The following MYO1B variants were observed in gnomAD, a reference collection of about 807,000 sequenced individuals.
MYO1B encodes unconventional myosin-Ib.
A neutral mutation model predicts 159.7 loss-of-function variants in MYO1B; 72 were observed. That is an observed-to-expected ratio of 0.45 (90% confidence interval 0.37 to 0.55). The LOEUF (loss-of-function observed/expected upper bound fraction) is 0.55. Ranked by LOEUF, MYO1B falls within the 20% of genes least tolerant of loss-of-function variation. The pLI is 0.00. For synonymous variants in MYO1B, 468 were observed against 473.8 expected (o/e 0.99, Z 0.16); for missense variants, 1,062 against 1,364.8 (o/e 0.78, Z 3.50).
At chr2:191,333,150 G>T (rs1451807605) in intron 4 of MYO1B, among the ~76,000 whole-genome samples, 1 of 151,944 alleles carries the variant, frequency 6.6e-6, no homozygotes, top group Non-Finnish European at 1.5e-5. Flanking sequence ...CTTAGTTCTG[G>T]GTATCTTTAT....
intron 5 of MYO1B, among the ~76,000 whole-genome samples, chr2:191,345,969 G>GT (rs1005844492): frequency 1.3e-5 from 2 of 152,146 alleles, no homozygotes; most frequent in African/African-American, 4.8e-5. Flanking sequence ...GTTGAATTAG[G>GT]TAAGATTAAG....
intron 4 of MYO1B, among the ~76,000 whole-genome samples, chr2:191,332,436 C>A (rs146300657): frequency 6.6e-6 from 1 of 151,780 alleles, no homozygotes; most frequent in Non-Finnish European, 1.5e-5. Context: ...TTTAAACTTA[C>A]ATGCAGAATA....
rs550660066 is a variant in MYO1B, at chr2:191,260,099, A to C, written c.-10+14473A>C. Among the ~76,000 whole-genome samples the C allele has an allele frequency of 1.3e-4, 20 of 152,170 alleles. No individual in the cohort carries two copies. The South Asian group carries it at 4.2e-3, about 32-fold the overall frequency. On this transcript the variant is annotated intron_variant, in intron 1 of 30. Transcript: ENST00000392318. ...AGAATGGAGAAGCACTAAGGAAAATAAGGAGTGTCCGGAGGTGGGATGTGG... is the reference window on the plus strand; with the variant it reads ...AGAATGGAGAAGCACTAAGGAAAATCAGGAGTGTCCGGAGGTGGGATGTGG...
intron 4 of MYO1B, among the ~76,000 whole-genome samples, chr2:191,338,781 A>G (rs1692023240): frequency 1.3e-5 from 2 of 152,220 alleles, no homozygotes; most frequent in South Asian, 4.1e-4. Context: ...AATTACCAGA[A>G]TAACAAAAGA....
chr2:191,254,882 T>C (rs1029893463), intron 1 of MYO1B, among the ~76,000 whole-genome samples: 11 of 152,344 alleles, frequency 7.2e-5, no homozygotes, highest in African/African-American at 2.4e-4. Flanking sequence ...ATCAAATGTT[T>C]AGGTGCCTAG....
chr2:191,391,564 G>A (rs1695751858), intron 18 of MYO1B, among the ~76,000 whole-genome samples: 1 of 152,134 alleles, frequency 6.6e-6, no homozygotes. Context: ...GGTGGGTGGA[G>A]TGAGGTTTAG....
chr2:191,379,872 G>A (rs1409728422), intron 13 of MYO1B, among the ~76,000 whole-genome samples: 1 of 152,152 alleles, frequency 6.6e-6, no homozygotes, highest in Admixed American at 6.5e-5. Flanking sequence ...ACCAACTTCA[G>A]TTTCTAATTG....
At chr2:191,334,601 T>G (rs974919437) in intron 4 of MYO1B, among the ~76,000 whole-genome samples, 4 of 152,180 alleles carry the variant, frequency 2.6e-5, no homozygotes, top group Non-Finnish European at 5.9e-5. Flanking sequence ...TCATCTTCCC[T>G]GGATTTAGTC....
rs779955453 is a variant in MYO1B at position 191,383,347 on chromosome 2, G to A, written c.1353+5G>A. 1.3e-6 allele frequency: 2 copies of A among 1,550,768 alleles called. No homozygotes were observed. Among genetic ancestry groups the A allele is most frequent in the African/African-American group, 1.4e-5 (1 of 71,890 alleles). On this transcript the variant is annotated splice_donor_5th_base_variant and intron_variant, in intron 15 of 30. Coordinates refer to ENST00000392318, the MANE Select transcript of MYO1B (RefSeq NM_001130158.3). ...ATTTGTGACCTAATAGAAAATGTGA[G>A]TACTTAGGTACAGTTTTCTAAAGAA...
chr2:191,364,340 A>G (rs1693861228), intron 11 of MYO1B, 64 bp downstream of exon 11: 9 of 1,313,152 alleles, frequency 6.9e-6, no homozygotes, highest in South Asian at 4.8e-5. Context: ...TCATATAAGT[A>G]TAAACAAAGA....
chr2:191,294,907 C>T lies in MYO1B; in HGVS notation c.136-1204C>T, dbSNP rs988032945. Reference sequence around the variant, plus strand: ...AAAAAAAGTCAGCAGAACATTTCTACGTTCCTTCATTTTCTATTCTGTTTA... The same window carrying T: ...AAAAAAAGTCAGCAGAACATTTCTATGTTCCTTCATTTTCTATTCTGTTTA... On this transcript the variant is annotated intron_variant, in intron 2 of 30. Transcript: ENST00000392318. 4.0e-5 allele frequency among the ~76,000 whole-genome samples: 6 copies of T among 151,862 alleles called. No individual in the cohort carries two copies. The South Asian group carries it at 8.3e-4, about 21-fold the overall frequency.
chr2:191,340,944 C>G (rs1393232870), intron 4 of MYO1B, among the ~76,000 whole-genome samples: 1 of 152,090 alleles, frequency 6.6e-6, no homozygotes. Flanking sequence ...AGGCTGGTCT[C>G]AACCTCGTGA....
At chr2:191,383,410 A>G (rs992863037) in intron 15 of MYO1B, 68 bp downstream of exon 15, 2 of 727,550 alleles carry the variant, frequency 2.7e-6, no homozygotes, top group East Asian at 7.6e-5. Flanking sequence ...AAATGTTCTC[A>G]GTGCCTCAAT....
chr2:191,386,164 GAAACCCC>G (rs1559222662), intron 16 of MYO1B, 80 bp downstream of exon 16: 2 of 1,327,044 alleles, frequency 1.5e-6, no homozygotes, highest in African/African-American at 2.9e-5. Context: ...ATGGGCGTTC[GAAACCCC>G]ATTAACTTGT....
In MYO1B at chr2:191,380,833, A is replaced by C. The variant is rs145486000; in HGVS notation, c.1186-629A>C. ...AGCCAATACATATTGAGAACTTGCT[A>C]GGTGTGAGGTGCTGTGTAAGGGGTA... On this transcript the variant is annotated intron_variant, in intron 13 of 30. Transcript: ENST00000392318. Among the ~76,000 whole-genome samples the C allele has an allele frequency of 1.4e-3, 206 of 152,264 alleles. 2 individuals are homozygous for C. The highest frequency in any genetic ancestry group is 4.7e-3 in the African/African-American group (196 of 41,562).
intron 29 of MYO1B, among the ~76,000 whole-genome samples, chr2:191,415,710 C>G (rs16833687): frequency 0.054 from 8,261 of 151,974 alleles, 385 homozygotes; most frequent in African/African-American, 0.12. Context: ...TTAACCAAAT[C>G]ACTGAAAAGT....
intron 4 of MYO1B, among the ~76,000 whole-genome samples, chr2:191,334,988 G>A (rs1691734917): frequency 6.6e-6 from 1 of 152,092 alleles, no homozygotes; most frequent in African/African-American, 2.4e-5. Flanking sequence ...CCAACTTGGA[G>A]TCGTGCTGGT....
intron 1 of MYO1B, among the ~76,000 whole-genome samples, chr2:191,259,517 T>C (rs1006799273): frequency 6.6e-6 from 1 of 152,264 alleles, no homozygotes; most frequent in African/African-American, 2.4e-5. Flanking sequence ...TTTATAGTTG[T>C]GTATTATTCC....
At chr2:191,375,515 G>GATA (rs1181623613) in intron 13 of MYO1B, among the ~76,000 whole-genome samples, 12 of 84,902 alleles carry the variant, frequency 1.4e-4, no homozygotes, top group East Asian at 4.4e-4. Flanking sequence ...ATAGATAGAT[G>GATA]GATCCAACTG....
Sources: allele counts gnomAD v4.1 joint callset (sites outside exome capture counted in the v4.1 genomes callset), GRCh38; gene constraint gnomAD v4.1.1; transcripts MANE v1.5; gene names NCBI Gene and HGNC (gene_info 2026-07-23, HGNC 2026-07-21).